ZC3H12B: variants seen among roughly 807,000 people sequenced by gnomAD.
ZC3H12B encodes zinc finger CCCH-type containing 12B.
Under a neutral mutation model 43.9 loss-of-function variants are expected in ZC3H12B, and 7 were observed. That is an observed-to-expected ratio of 0.16 (90% confidence interval 0.09 to 0.30). The LOEUF (loss-of-function observed/expected upper bound fraction) is 0.30, where lower values mean the gene tolerates loss of function less well. Among genes scored for constraint, ZC3H12B ranks in the 10% least tolerant of loss-of-function variants. ZC3H12B has a pLI of 1.00. For missense variants in ZC3H12B, 475 were observed against 670.2 expected (o/e 0.71, Z 3.22); for synonymous variants, 222 against 241.7 (o/e 0.92, Z 0.76).
In ZC3H12B at chrX:65,497,112, T is replaced by C. The variant is rs1248920473; in HGVS notation, c.609-20T>C. Reference sequence around the variant, plus strand: ...TATCTATTATCAATCTTCTCTCCTCTTATTCTGTATCTTCCTAAGCCATGG... The same window carrying C: ...TATCTATTATCAATCTTCTCTCCTCCTATTCTGTATCTTCCTAAGCCATGG... On this transcript the variant is annotated intron_variant, in intron 1 of 4. Coordinates refer to ENST00000338957, the Ensembl canonical transcript of ZC3H12B. 1.7e-6 allele frequency: 2 copies of C among 1,181,558 alleles called. No homozygotes were observed. Among genetic ancestry groups the C allele is most frequent in the African/African-American group, 2.3e-5 (1 of 44,082 alleles).
chrX:65,298,810 G>A, the ZC3H12B span, among the ~76,000 whole-genome samples: 6 of 111,759 alleles, frequency 5.4e-5, no homozygotes, highest in African/African-American at 1.3e-4. Context: ...ACATAGCTGC[G>A]GAAACCTCAG....
chrX:65,283,783 C>A, the ZC3H12B span, among the ~76,000 whole-genome samples: 3 of 111,657 alleles, frequency 2.7e-5, no homozygotes, highest in Non-Finnish European at 5.7e-5. Flanking sequence ...CCCAGTGACA[C>A]TGGGACTGGA....
chrX:65,211,927 A>G, the ZC3H12B span, among the ~76,000 whole-genome samples: 1 of 73,319 alleles, frequency 1.4e-5, no homozygotes, highest in African/African-American at 5.7e-5. Flanking sequence ...TATATAATAT[A>G]TAATATATGT....
At chrX:65,392,938 A>G (rs770932393) in intron 2 of ZC3H12B, among the ~76,000 whole-genome samples, 1 of 112,270 alleles carries the variant, frequency 8.9e-6, no homozygotes, top group Non-Finnish European at 1.9e-5. Context: ...TTAATGTATA[A>G]CCTTACCCCA....
intron 3 of ZC3H12B, among the ~76,000 whole-genome samples, chrX:65,407,392 G>T (rs1321529730): frequency 8.9e-6 from 1 of 112,679 alleles, no homozygotes; most frequent in Non-Finnish European, 1.9e-5. Flanking sequence ...GCCGCCTTCC[G>T]GCGCGCCCTC....
chrX:65,461,908 A>G (rs1048036640), intron 3 of ZC3H12B, among the ~76,000 whole-genome samples: 3 of 110,902 alleles, frequency 2.7e-5, no homozygotes, highest in Non-Finnish European at 5.7e-5. Flanking sequence ...TAAAAAAAGA[A>G]TAATCTCAGA....
At chrX:65,281,495 G>C in the ZC3H12B span, among the ~76,000 whole-genome samples, 1 of 111,731 alleles carries the variant, frequency 9.0e-6, no homozygotes. Context: ...CAAAGTGCTA[G>C]GACTACAGGC....
chrX:65,057,644 G>A, the ZC3H12B span, among the ~76,000 whole-genome samples: 109 of 111,541 alleles, frequency 9.8e-4, 2 homozygotes, highest in African/African-American at 3.5e-3. Context: ...TGCTAGATTG[G>A]GGAAGTTCTC....
chrX:65,054,993 G>C, the ZC3H12B span, among the ~76,000 whole-genome samples: 18 of 111,348 alleles, frequency 1.6e-4, no homozygotes, highest in Admixed American at 4.8e-4. Flanking sequence ...GGGCTGAGAC[G>C]ATGGGGTTTT....
At chrX:65,090,730 C>T in the ZC3H12B span, among the ~76,000 whole-genome samples, 1 of 111,079 alleles carries the variant, frequency 9.0e-6, no homozygotes, top group South Asian at 3.8e-4. Flanking sequence ...TCTGAGTGGG[C>T]CCTGTTACAA....
the ZC3H12B span, among the ~76,000 whole-genome samples, chrX:65,130,931 C>T: frequency 5.4e-5 from 6 of 111,895 alleles, no homozygotes; most frequent in African/African-American, 2.0e-4. Flanking sequence ...ATGGCCCTTG[C>T]AGTGAATGAC....
the ZC3H12B span, among the ~76,000 whole-genome samples, chrX:65,118,536 T>A: frequency 1.8e-5 from 2 of 111,647 alleles, no homozygotes; most frequent in Non-Finnish European, 3.8e-5. Context: ...CCTCTTTTCC[T>A]AATTGAATAC....
chrX:65,126,111 T>C, the ZC3H12B span, among the ~76,000 whole-genome samples: 1 of 109,407 alleles, frequency 9.1e-6, no homozygotes, highest in African/African-American at 3.3e-5. Context: ...TTGAGTGTAT[T>C]TGGTATATTT....
At chrX:65,181,796 T>G in the ZC3H12B span, among the ~76,000 whole-genome samples, 2 of 111,974 alleles carry the variant, frequency 1.8e-5, no homozygotes, top group African/African-American at 3.2e-5. Flanking sequence ...GCTTTTACAC[T>G]GTTAGTGGGA....
At chrX:65,218,521 G>A in the ZC3H12B span, among the ~76,000 whole-genome samples, 1 of 111,405 alleles carries the variant, frequency 9.0e-6, no homozygotes, top group African/African-American at 3.3e-5. Context: ...CTGCATGGGA[G>A]CTGGGTGAGG....
At chrX:65,211,564 G>A in the ZC3H12B span, among the ~76,000 whole-genome samples, 5 of 101,999 alleles carry the variant, frequency 4.9e-5, no homozygotes, top group Admixed American at 1.2e-4. Context: ...TAATTAACTT[G>A]CTCAAAGTCA....
chrX:65,217,250 C>T, the ZC3H12B span, among the ~76,000 whole-genome samples: 8 of 112,178 alleles, frequency 7.1e-5, no homozygotes, highest in Admixed American at 2.8e-4. Flanking sequence ...GAGGGTTCTC[C>T]TAGTGCTGAA....
At chrX:65,146,606 T>C in the ZC3H12B span, among the ~76,000 whole-genome samples, 1 of 111,579 alleles carries the variant, frequency 9.0e-6, no homozygotes, top group East Asian at 2.8e-4. Flanking sequence ...AGAGGGAAGG[T>C]CTAGGGCCGA....
At chrX:65,463,822 G>A (rs892286801) in intron 3 of ZC3H12B, among the ~76,000 whole-genome samples, 3 of 110,930 alleles carry the variant, frequency 2.7e-5, no homozygotes, top group Non-Finnish European at 5.7e-5. Context: ...TCCCCGAGAA[G>A]CCAGACCATT....
Sources: gnomAD v4.1 joint callset for allele counts (sites outside exome capture counted in the v4.1 genomes callset) on GRCh38, gnomAD v4.1.1 for gene constraint, MANE v1.5 for transcripts, NCBI Gene and HGNC (gene_info 2026-07-23, HGNC 2026-07-21) for gene names.